Variants in EBF3 observed in about 807,000 individuals in gnomAD.
EBF3 encodes transcription factor COE3.
In EBF3, 18 loss-of-function variants were observed where a neutral mutation model predicts 77.1. The observed-to-expected ratio is 0.23, with a 90% confidence interval of 0.16 to 0.35. The LOEUF (loss-of-function observed/expected upper bound fraction) is 0.35. EBF3 is among the 10% of genes least tolerant of loss of function. The pLI is 1.00. For synonymous variants in EBF3, 350 were observed against 343.5 expected (o/e 1.02, Z -0.21); for missense variants, 558 against 860.0 (o/e 0.65, Z 4.39).
rs928818195 is a variant in EBF3, at chr10:129,841,090, G to C, written c.1373-58C>G. On this transcript the variant is annotated intron_variant, in intron 13 of 16. Transcript: ENST00000440978. This position sits in a 1 kb window ranked among gnomAD's most constrained non-coding sequence, Gnocchi z 4.6. ...ATTATTATCAGCGACAGACACTTGG[G>C]GGGGGTTCCCCGAGAATCTATATCA... The C allele has an allele frequency of 1.4e-5, 23 of 1,587,792 alleles. No homozygotes were observed. Among genetic ancestry groups the C allele is most frequent in the African/African-American group, 6.7e-5 (5 of 74,320 alleles).
chr10:129,959,102 G>T, intron 4 of EBF3, 95 bp from the exon 5 acceptor site: 1 of 1,478,272 alleles, frequency 6.8e-7, no homozygotes, highest in Non-Finnish European at 9.3e-7. Context: ...GGCAGCAGGT[G>T]CACCACGCTC....
At chr10:129,922,591 A>C (rs994275939) in intron 6 of EBF3, among the ~76,000 whole-genome samples, 1 of 152,058 alleles carries the variant, frequency 6.6e-6, no homozygotes, top group Admixed American at 6.5e-5. Flanking sequence ...CGTGCACCAC[A>C]CTCTGCTCTC....
intron 6 of EBF3, among the ~76,000 whole-genome samples, chr10:129,934,947 G>A (rs1012689868): frequency 2.0e-5 from 3 of 152,154 alleles, no homozygotes; most frequent in Non-Finnish European, 2.9e-5. Context: ...GATGAGGTCT[G>A]GATCAGGAAG....
chr10:129,870,555 C>T lies in EBF3; in HGVS notation c.782-2643G>A, dbSNP rs1056990542. On this transcript the variant is annotated intron_variant, in intron 8 of 16. Transcript: ENST00000440978. This position sits in a 1 kb window ranked among gnomAD's most constrained non-coding sequence, Gnocchi z 4.4. ...GGCGTGGCGAGTCTCCCCTGCGGAT[C>T]TGACATGCGCCACCATGACCTGTTT... is the stretch of plus-strand genomic sequence containing the variant. Among the ~76,000 whole-genome samples the T allele has an allele frequency of 6.6e-6, 1 of 152,166 alleles. No individual in the cohort carries two copies. Among genetic ancestry groups the T allele is most frequent in the Non-Finnish European group, 1.5e-5 (1 of 68,034 alleles).
intron 6 of EBF3, among the ~76,000 whole-genome samples, chr10:129,896,678 G>A (rs1044740979): frequency 2.0e-5 from 3 of 152,242 alleles, no homozygotes; most frequent in Admixed American, 6.5e-5. Flanking sequence ...CGGTGCCTTT[G>A]TCTTCCCTGC....
At position 129,836,801 on chromosome 10, in the gene EBF3, G is replaced by A. The variant is rs1849637111; in HGVS notation, c.*1142C>T. 6.6e-6 allele frequency: 1 copy of A among 152,544 alleles called. No homozygotes were observed. Among genetic ancestry groups the A allele is most frequent in the Non-Finnish European group, 1.5e-5 (1 of 68,020 alleles). The allele number at this position is 152,544 out of a possible 1,614,324, so 9.4% of individuals were successfully genotyped here. On this transcript the variant is annotated 3_prime_UTR_variant, in exon 17 of 17. Transcript: ENST00000440978. ...AAAAGGAAAAGGTGGGAAAAGCAAT[G>A]TACAAAATTTCAAAGATAAATACAA...
Position 129,837,418 on chromosome 10 carries a change from T to A in EBF3, c.*525A>T, listed in dbSNP as rs1849676627. 1 of 153,868 alleles carries A rather than the reference T, an allele frequency of 6.5e-6. No individual in the cohort carries two copies. The highest frequency in any genetic ancestry group is 2.4e-5 in the African/African-American group (1 of 41,450). The allele number at this position is 153,868 out of a possible 1,614,324, so 9.5% of individuals were successfully genotyped here. On this transcript the variant is annotated 3_prime_UTR_variant, in exon 17 of 17. Transcript: ENST00000440978. Reference sequence around the variant, plus strand: ...TCCTCATCATATAGTCATCCTTTTTTCCAGTCTGATGGCTCATACCTCCTT... The same window carrying A: ...TCCTCATCATATAGTCATCCTTTTTACCAGTCTGATGGCTCATACCTCCTT...
In EBF3 at chr10:129,938,133, T is replaced by C. The variant is rs1857484725; in HGVS notation, c.554+19125A>G. On this transcript the variant is annotated intron_variant, in intron 6 of 16. Coordinates refer to ENST00000440978, the MANE Select transcript of EBF3 (RefSeq NM_001375380.1). The surrounding 1 kb of genome is among the most constrained non-coding windows in gnomAD (Gnocchi z 5.1). ...CAGCACCTGGCAGGAGACTCTCTTC[T>C]GCTCCTGCTGAGTTTTTGTGCGAGG... 6.6e-6 allele frequency among the ~76,000 whole-genome samples: 1 copy of C among 152,202 alleles called. No homozygotes were observed. The highest frequency in any genetic ancestry group is 1.5e-5 in the Non-Finnish European group (1 of 68,030).
rs915347004 is a variant in EBF3 at position 129,943,335 on chromosome 10, A to G, written c.554+13923T>C. Among the ~76,000 whole-genome samples, 10 of 152,112 alleles carry G rather than the reference A, an allele frequency of 6.6e-5. No homozygotes were observed. The highest frequency in any genetic ancestry group is 2.4e-4 in the African/African-American group (10 of 41,460). ...TAAAGAAGCAAATTGGATTTGCCCT[A>G]TCACAAAAAAAATTAATTCCAGATT... On this transcript the variant is annotated intron_variant, in intron 6 of 16. Transcript: ENST00000440978. This position sits in a 1 kb window ranked among gnomAD's most constrained non-coding sequence, Gnocchi z 8.8.
intron 6 of EBF3, among the ~76,000 whole-genome samples, chr10:129,907,434 C>T (rs1855223378): frequency 6.6e-6 from 1 of 152,182 alleles, no homozygotes; most frequent in African/African-American, 2.4e-5. Context: ...AAATGGTCTC[C>T]TCTTAAACAG....
Position 129,848,233 on chromosome 10 carries a change from G to T in EBF3, c.1128+159C>A, listed in dbSNP as rs1217366132. On this transcript the variant is annotated intron_variant, in intron 11 of 16. Transcript: ENST00000440978. This position sits in a 1 kb window ranked among gnomAD's most constrained non-coding sequence, Gnocchi z 4.4. ...CGCCCACCTCTGAAGCTGGTCAGGT[G>T]CGGGCCCGGGCAGCTCCTCACACCT... Among the ~76,000 whole-genome samples the T allele has an allele frequency of 6.6e-6, 1 of 152,194 alleles. No homozygotes were observed. The highest frequency in any genetic ancestry group is 2.4e-5 in the African/African-American group (1 of 41,452).
At chr10:129,843,269 C>A in intron 11 of EBF3, 67 bp from the exon 12 acceptor site, 1 of 1,516,420 alleles carries the variant, frequency 6.6e-7, no homozygotes, top group Non-Finnish European at 9.0e-7. Flanking sequence ...CCCTTCAGTA[C>A]CAGTTCCGTC....
At chr10:129,907,085 G>A (rs1855196473) in intron 6 of EBF3, among the ~76,000 whole-genome samples, 1 of 152,158 alleles carries the variant, frequency 6.6e-6, no homozygotes, top group Non-Finnish European at 1.5e-5. Flanking sequence ...TTTTCACTGT[G>A]GAAACAGCTA....
At chr10:129,909,713 G>A (rs563473106) in intron 6 of EBF3, among the ~76,000 whole-genome samples, 226 of 152,236 alleles carry the variant, frequency 1.5e-3, no homozygotes, top group African/African-American at 4.9e-3. Flanking sequence ...CCAAGCCTGC[G>A]AACCCCCATG....
intron 6 of EBF3, among the ~76,000 whole-genome samples, chr10:129,915,123 C>A (rs1486928291): frequency 2.6e-5 from 4 of 152,270 alleles, no homozygotes; most frequent in African/African-American, 9.6e-5. Context: ...ATGGACAGCA[C>A]TGGGGCAGAG....
Position 129,909,434 on chromosome 10 carries a change from T to C in EBF3, c.555-31585A>G, listed in dbSNP as rs572736258. On this transcript the variant is annotated intron_variant, in intron 6 of 16. Transcript: ENST00000440978. ...CCAGTTATGCTGCTGGAAAAGTAGATGGCCCTGGGAGGTGACACTCCCTCG... is the reference window on the plus strand; with the variant it reads ...CCAGTTATGCTGCTGGAAAAGTAGACGGCCCTGGGAGGTGACACTCCCTCG... 1.3e-3 allele frequency among the ~76,000 whole-genome samples: 195 copies of C among 152,320 alleles called. 1 individual carries two copies. In the South Asian group the frequency reaches 0.019, roughly 15 times the overall value.
intron 6 of EBF3, among the ~76,000 whole-genome samples, chr10:129,918,095 G>A (rs551959677): frequency 6.6e-6 from 1 of 152,328 alleles, no homozygotes; most frequent in South Asian, 2.1e-4. Flanking sequence ...AGGGGCCCAG[G>A]TGGCCTTCCA....
intron 6 of EBF3, among the ~76,000 whole-genome samples, chr10:129,919,370 G>A (rs1399767781): frequency 2.0e-5 from 3 of 152,088 alleles, no homozygotes; most frequent in Non-Finnish European, 2.9e-5. Context: ...GCAGTGGAGT[G>A]TGATAACAGC....
At chr10:129,961,056 C>A (rs560680950) in intron 4 of EBF3, among the ~76,000 whole-genome samples, 1 of 152,164 alleles carries the variant, frequency 6.6e-6, no homozygotes, top group East Asian at 1.9e-4. Flanking sequence ...ACCCTTGCTA[C>A]CTAGGTAAGG....
Sources: gnomAD v4.1 joint callset for allele counts (sites outside exome capture counted in the v4.1 genomes callset) on GRCh38, gnomAD v4.1.1 for gene constraint, Gnocchi (gnomAD v3.1) non-coding constraint, MANE v1.5 for transcripts, NCBI Gene and HGNC (gene_info 2026-07-23, HGNC 2026-07-21) for gene names.